Variants in ZCCHC17 observed in about 807,000 individuals in gnomAD.
ZCCHC17 encodes the protein zinc finger CCHC-type containing 17, also known as zinc finger CCHC domain-containing protein 17.
A neutral mutation model predicts 30.6 loss-of-function variants in ZCCHC17; 18 were observed. That is an observed-to-expected ratio of 0.59 (90% confidence interval 0.41 to 0.87). The LOEUF is 0.87. ZCCHC17 is among the 40% of genes least tolerant of loss of function. The probability of loss-of-function intolerance (pLI) is 0.00; values close to 1 mark genes in which losing one functional copy is unlikely to be tolerated. For synonymous variants in ZCCHC17, 88 were observed against 92.4 expected (o/e 0.95, Z 0.27); for missense variants, 263 against 284.2 (o/e 0.93, Z 0.54).
intron 4 of ZCCHC17, among the ~76,000 whole-genome samples, chr1:31,338,328 A>G (rs1638901672): frequency 6.6e-6 from 1 of 152,056 alleles, no homozygotes; most frequent in Non-Finnish European, 1.5e-5. Context: ...ATTAAGTGCT[A>G]TATTGGGTTC....
chr1:31,298,027 G>C (rs959548668), intron 1 of ZCCHC17, among the ~76,000 whole-genome samples: 3 of 152,354 alleles, frequency 2.0e-5, no homozygotes, highest in African/African-American at 4.8e-5. Context: ...GTGGGGTGTG[G>C]TGGAGGAGGG....
chr1:31,318,357 G>A, intron 2 of ZCCHC17: 2 of 753,862 alleles, frequency 2.7e-6, no homozygotes, highest in Non-Finnish European at 4.2e-6. Flanking sequence ...GGGGAAGAGA[G>A]AGCTAGAGCC....
chr1:31,322,188 A>G (rs938235625), intron 3 of ZCCHC17, among the ~76,000 whole-genome samples: 4 of 152,212 alleles, frequency 2.6e-5, no homozygotes, highest in Non-Finnish European at 2.9e-5. Flanking sequence ...ATTCTCTAAC[A>G]TCAACTGGAT....
chr1:31,321,001 T>C (rs1173788085), intron 3 of ZCCHC17, among the ~76,000 whole-genome samples: 1 of 152,210 alleles, frequency 6.6e-6, no homozygotes, highest in African/African-American at 2.4e-5. Flanking sequence ...CATCTCATTG[T>C]GGTTTGAATT....
At chr1:31,332,913 C>T (rs555968389) in intron 3 of ZCCHC17, among the ~76,000 whole-genome samples, 48 of 152,190 alleles carry the variant, frequency 3.2e-4, no homozygotes, top group African/African-American at 9.4e-4. Context: ...TGAGCCACCG[C>T]GCTTGGCCAA....
chr1:31,348,518 T>C (rs958681957), intron 6 of ZCCHC17, among the ~76,000 whole-genome samples: 1 of 152,224 alleles, frequency 6.6e-6, no homozygotes, highest in Non-Finnish European at 1.5e-5. Flanking sequence ...AAAATAGATC[T>C]TAAAAAATTA....
chr1:31,352,485 C>T (rs1639502725), intron 7 of ZCCHC17, among the ~76,000 whole-genome samples: 1 of 152,104 alleles, frequency 6.6e-6, no homozygotes, highest in African/African-American at 2.4e-5. Context: ...ATATTCTGTT[C>T]TATGTATTTA....
At chr1:31,353,032 C>T (rs1460315256) in intron 7 of ZCCHC17, among the ~76,000 whole-genome samples, 1 of 152,138 alleles carries the variant, frequency 6.6e-6, no homozygotes, top group African/African-American at 2.4e-5. Context: ...CACTTATTTT[C>T]TGGGTTTTGT....
At chr1:31,348,719 C>A (rs1051091040) in intron 6 of ZCCHC17, 110 bp from the exon 7 acceptor site, 2 of 1,339,936 alleles carry the variant, frequency 1.5e-6, no homozygotes, top group Non-Finnish European at 2.1e-6. Context: ...ATGAACTCAA[C>A]AATATTTCCT....
intron 1 of ZCCHC17, among the ~76,000 whole-genome samples, chr1:31,309,722 C>T (rs542257968): frequency 3.9e-5 from 6 of 152,074 alleles, no homozygotes; most frequent in Admixed American, 6.5e-5. Flanking sequence ...TTTTGAGATC[C>T]GGTCAAACAT....
At chr1:31,321,326 G>A (rs1445979204) in intron 3 of ZCCHC17, among the ~76,000 whole-genome samples, 3 of 152,104 alleles carry the variant, frequency 2.0e-5, no homozygotes, top group Non-Finnish European at 4.4e-5. Context: ...CTGTGAAGAA[G>A]GATGTGTTTG....
chr1:31,299,209 G>A (rs1201018287), intron 1 of ZCCHC17, among the ~76,000 whole-genome samples: 1 of 152,138 alleles, frequency 6.6e-6, no homozygotes, highest in East Asian at 1.9e-4. Flanking sequence ...GGGGATAAGG[G>A]ATTATCCAGG....
At chr1:31,325,955 C>T (rs965792369) in intron 3 of ZCCHC17, among the ~76,000 whole-genome samples, 12 of 150,944 alleles carry the variant, frequency 7.9e-5, no homozygotes, top group Non-Finnish European at 7.4e-5. Flanking sequence ...ATTGTGCCAC[C>T]GCACCCCAGC....
chr1:31,335,039 T>A (rs1460074720), intron 3 of ZCCHC17, among the ~76,000 whole-genome samples: 3 of 152,352 alleles, frequency 2.0e-5, no homozygotes, highest in Non-Finnish European at 4.4e-5. Flanking sequence ...GCCAATCTTG[T>A]CAGGGGCTTC....
intron 7 of ZCCHC17, among the ~76,000 whole-genome samples, chr1:31,356,206 C>T (rs1639639327): frequency 6.6e-6 from 1 of 152,156 alleles, no homozygotes; most frequent in Admixed American, 6.5e-5. Flanking sequence ...AGATAAGCAG[C>T]CAAGCTATGT....
chr1:31,310,674 A>G (rs1031030748), intron 2 of ZCCHC17, among the ~76,000 whole-genome samples: 2 of 152,238 alleles, frequency 1.3e-5, no homozygotes, highest in African/African-American at 2.4e-5. Flanking sequence ...TGGACTTTCC[A>G]ACCTCCAGAA....
chr1:31,319,080 A>C, intron 2 of ZCCHC17, 29 bp from the exon 3 acceptor site: 2 of 1,598,386 alleles, frequency 1.3e-6, no homozygotes, highest in Non-Finnish European at 8.6e-7. Context: ...CATGTATGTG[A>C]CATTGATTTT....
At chr1:31,360,273 G>A (rs112525915) in intron 7 of ZCCHC17, among the ~76,000 whole-genome samples, 14,071 of 148,444 alleles carry the variant, frequency 0.095, 2,207 homozygotes, top group African/African-American at 0.33. Context: ...ACGCTCAAGC[G>A]ATTCTCCTGC....
In ZCCHC17 at chr1:31,337,265, T is replaced by C. The variant is rs924939877; in HGVS notation, c.215T>C (p.Ile72Thr). The C allele has an allele frequency of 1.4e-5, 23 of 1,613,986 alleles. No homozygotes were observed. Among genetic ancestry groups the C allele is most frequent in the East Asian group, 2.2e-5 (1 of 44,890 alleles). ...GGAGATAAAGTGTGGGTGAAGCTTA[T>C]TGGCCGAGAGGTAAAGTTCTGTGCG... ...DVGDKVWVKLIGREMKNDRIK... is the reference protein window; with the variant it reads ...DVGDKVWVKLTGREMKNDRIK... The change falls in exon 4 of 8, where the codon ATT becomes ACT. Residue 72 changes from isoleucine (I) to threonine (T), a missense_variant. By Grantham distance (89) the Ile-to-Thr change is moderately conservative (BLOSUM62 -1). Transcript: ENST00000344147.
Sources: allele counts gnomAD v4.1 joint callset (sites outside exome capture counted in the v4.1 genomes callset), GRCh38; gene constraint gnomAD v4.1.1; transcripts MANE v1.5; gene names NCBI Gene and HGNC (gene_info 2026-07-23, HGNC 2026-07-21).